The following DMXL2 variants were observed in gnomAD, a reference collection of about 807,000 sequenced individuals.
DMXL2 encodes Dmx like 2.
DMXL2 carries 103 observed loss-of-function variants against 331.1 expected under a neutral mutation model. The observed-to-expected ratio is 0.31, with a 90% confidence interval of 0.27 to 0.37. The LOEUF is 0.37. Among genes scored for constraint, DMXL2 ranks in the 10% least tolerant of loss-of-function variants. DMXL2 has a pLI of 1.00. For missense variants in DMXL2, 3,171 were observed against 3,642.9 expected, an observed-to-expected ratio of 0.87 and a Z score of 3.33; for synonymous variants, 1,281 against 1,252.1, an observed-to-expected ratio of 1.02 and a Z score of -0.49.
intron 1 of DMXL2, among the ~76,000 whole-genome samples, chr15:51,591,473 C>A (rs1011023444): frequency 5.9e-5 from 9 of 152,184 alleles, no homozygotes. Context: ...TTCAAGGAGG[C>A]CTGCCTGCCT....
chr15:51,492,635 T>C (rs1445092826), intron 19 of DMXL2, among the ~76,000 whole-genome samples: 1 of 152,224 alleles, frequency 6.6e-6, no homozygotes, highest in Non-Finnish European at 1.5e-5. Context: ...CTTACTGATA[T>C]TCGACTTACA....
chr15:51,491,470 A>G, intron 20 of DMXL2, 108 bp downstream of exon 20: 2 of 1,165,110 alleles, frequency 1.7e-6, no homozygotes, highest in Non-Finnish European at 2.4e-6. Flanking sequence ...CAAGACCTCA[A>G]GATAGACAAA....
Position 51,536,847 on chromosome 15 carries a change from G to C in DMXL2, c.1633C>G (p.Arg545Gly). 1 of 1,598,288 alleles carries C rather than the reference G, an allele frequency of 6.3e-7. No homozygotes were observed. The highest frequency in any genetic ancestry group is 1.4e-5 in the African/African-American group (1 of 73,832). The change falls in exon 12 of 44, where the codon CGG becomes GGG. Residue 545 changes from arginine to glycine, a missense_variant. Physicochemically the swap from Arg to Gly is moderately radical, Grantham distance 125. Around this residue, in one of 7 missense-constraint regions of DMXL2, gnomAD observed 1,674 missense variants for 1,780.2 expected, o/e 0.94. Coordinates refer to ENST00000560891, the MANE Select transcript of DMXL2 (RefSeq NM_001378457.1). ...CCAGAGGGAAATGCAACAGGAATCCGAGAAGAAAAAGAAACCTGAAAAACA... is the reference window on the plus strand; with the variant it reads ...CCAGAGGGAAATGCAACAGGAATCCCAGAAGAAAAAGAAACCTGAAAAACA... ...FRQVQVSFSS[R>G]IPVAFPSGDA...
intron 25 of DMXL2, among the ~76,000 whole-genome samples, chr15:51,479,584 A>G (rs2041858755): frequency 6.6e-6 from 1 of 152,208 alleles, no homozygotes; most frequent in Non-Finnish European, 1.5e-5. Context: ...CTTCCCTCCC[A>G]GATACTCCCC....
intron 13 of DMXL2, among the ~76,000 whole-genome samples, chr15:51,529,394 A>G (rs974459210): frequency 6.6e-6 from 1 of 152,146 alleles, no homozygotes; most frequent in African/African-American, 2.4e-5. Context: ...AGACCCAAAT[A>G]AATAAAATCA....
chr15:51,452,344 T>C (rs1424668379), intron 41 of DMXL2, among the ~76,000 whole-genome samples: 1 of 151,746 alleles, frequency 6.6e-6, no homozygotes, highest in African/African-American at 2.4e-5. Context: ...ACCTGCAGAG[T>C]GGGAGAAAAT....
chr15:51,548,818 G>A (rs1015695432), intron 6 of DMXL2, among the ~76,000 whole-genome samples: 1 of 151,676 alleles, frequency 6.6e-6, no homozygotes, highest in African/African-American at 2.4e-5. Context: ...AAATTACAGG[G>A]GAAATTTTAA....
intron 1 of DMXL2, among the ~76,000 whole-genome samples, chr15:51,586,374 T>C (rs747556902): frequency 3.9e-5 from 6 of 151,970 alleles, no homozygotes; most frequent in Non-Finnish European, 7.4e-5. Flanking sequence ...TGACTACAAA[T>C]ATGTAAAAAC....
chr15:51,453,780 A>G lies in DMXL2; in HGVS notation c.8605-139T>C, dbSNP rs2039370388. The G allele has an allele frequency of 1.8e-5, 12 of 656,864 alleles. No individual in the cohort carries two copies. In the South Asian group the frequency reaches 2.3e-4, roughly 13 times the overall value. The allele number at this position is 656,864 out of a possible 1,614,324, so 40.7% of individuals were successfully genotyped here. On this transcript the variant is annotated intron_variant, in intron 40 of 43. Transcript: ENST00000560891. ...TAAAAACTCGGTCTAGGATAAAAGA[A>G]TAAGTGATAGTATGAGGCTTAACTG... is the stretch of plus-strand genomic sequence containing the variant.
chr15:51,469,412 T>C (rs2140297545), intron 29 of DMXL2, among the ~76,000 whole-genome samples: 1 of 152,296 alleles, frequency 6.6e-6, no homozygotes, highest in East Asian at 1.9e-4. Flanking sequence ...GTTTTTAAAA[T>C]GACAGCTATA....
chr15:51,536,011 CT>C (rs1639772933), intron 12 of DMXL2, among the ~76,000 whole-genome samples, 154 bp downstream of exon 12: 1 of 152,158 alleles, frequency 6.6e-6, no homozygotes, highest in Non-Finnish European at 1.5e-5. Context: ...AAAAATCAGT[CT>C]CATGCCTGTA....
chr15:51,499,084 T>C lies in DMXL2; in HGVS notation c.4140A>G (p.Ala1380=). The C allele has an allele frequency of 1.2e-6, 2 of 1,614,064 alleles. No homozygotes were observed. The highest frequency in any genetic ancestry group is 1.7e-6 in the Non-Finnish European group (2 of 1,180,022). ...HLVKCIAGEV[A]IVRDPDAGEG... is the part of the protein sequence containing the mutation. ...CTCCAGCATCAGGATCTCTAACTAT[T>C]GCTACTTCACCTGCAATACATTTTA... is the stretch of plus-strand genomic sequence containing the variant. Residue 1380 remains alanine, a synonymous_variant, in exon 18 of 44, where the codon GCA becomes GCG. Transcript: ENST00000560891.
At chr15:51,520,308 A>G (rs1320356005) in intron 13 of DMXL2, among the ~76,000 whole-genome samples, 1 of 152,228 alleles carries the variant, frequency 6.6e-6, no homozygotes, top group Non-Finnish European at 1.5e-5. Context: ...TTCTAACTAT[A>G]AGAAAAGCCA....
intron 6 of DMXL2, among the ~76,000 whole-genome samples, chr15:51,553,921 TAGAC>T (rs2049384658): frequency 6.6e-6 from 1 of 152,188 alleles, no homozygotes; most frequent in African/African-American, 2.4e-5. Context: ...ACTCAAAAGT[TAGAC>T]AGGGATTTTT....
intron 1 of DMXL2, among the ~76,000 whole-genome samples, chr15:51,592,217 C>T (rs1272960431): frequency 6.6e-6 from 1 of 151,814 alleles, no homozygotes; most frequent in Non-Finnish European, 1.5e-5. Context: ...CAGAGAAGTC[C>T]TTAAAGGACC....
Position 51,499,268 on chromosome 15 carries a change from T to A in DMXL2, c.3956A>T (p.Asp1319Val). 1 of 1,613,916 alleles carries A rather than the reference T, an allele frequency of 6.2e-7. No homozygotes were observed. The highest frequency in any genetic ancestry group is 8.5e-7 in the Non-Finnish European group (1 of 1,180,020). Residue 1319 changes from aspartate to valine, a missense_variant, in exon 18 of 44, where the codon GAT becomes GTT. Physicochemically the swap from Asp to Val is radical, Grantham distance 152. This residue lies in a region of DMXL2 where 1,674 missense variants were observed against 1,780.2 expected (regional missense o/e 0.94). Coordinates refer to ENST00000560891, the MANE Select transcript of DMXL2 (RefSeq NM_001378457.1). ...TACAGTTGGTGAACAAAAAACATCA[T>A]CAGAAATAGCTGTTCCTTCAACAAC... ...KSVVEGTAISDDVFCSPTVIQ... is the reference protein window; with the variant it reads ...KSVVEGTAISVDVFCSPTVIQ...
At chr15:51,619,341 T>G (rs923774710) in intron 1 of DMXL2, among the ~76,000 whole-genome samples, 3 of 152,196 alleles carry the variant, frequency 2.0e-5, no homozygotes, top group African/African-American at 7.2e-5. Context: ...AAGGTGATGT[T>G]TTAAAATGTG....
intron 29 of DMXL2, 62 bp downstream of exon 29, chr15:51,471,161 G>C: frequency 6.7e-7 from 1 of 1,486,306 alleles, no homozygotes; most frequent in Admixed American, 1.8e-5. Flanking sequence ...TGAGACACAT[G>C]CAAGAGTTAA....
chr15:51,450,031 T>G, intron 43 of DMXL2, 98 bp downstream of exon 43: 1 of 1,127,108 alleles, frequency 8.9e-7, no homozygotes, highest in Non-Finnish European at 1.3e-6. Flanking sequence ...GTAGCCCAAG[T>G]GAAATAAAGT....
Sources: allele counts gnomAD v4.1 joint callset (sites outside exome capture counted in the v4.1 genomes callset), GRCh38; gene constraint gnomAD v4.1.1; regional missense constraint gnomAD v4.1.1; transcripts MANE v1.5; gene names NCBI Gene and HGNC (gene_info 2026-07-23, HGNC 2026-07-21).